The following SLC35F4 variants were observed in gnomAD, a reference collection of about 807,000 sequenced individuals.
SLC35F4 encodes solute carrier family 35 member F4.
In SLC35F4, 24 loss-of-function variants were observed where a neutral mutation model predicts 44.2. The ratio of observed to expected loss-of-function variants is 0.54; its 90% CI spans 0.39 to 0.76. The LOEUF (loss-of-function observed/expected upper bound fraction) is 0.76, where lower values mean the gene tolerates loss of function less well. Among genes scored for constraint, SLC35F4 ranks in the 30% least tolerant of loss-of-function variants. The pLI, the probability that SLC35F4 is intolerant of heterozygous loss-of-function variation, is 0.00. For synonymous variants in SLC35F4, 238 were observed against 223.6 expected (o/e 1.06, Z -0.57); for missense variants, 562 against 586.1 (o/e 0.96, Z 0.42).
chr14:57,965,470 C>G (rs900946103), intron 1 of SLC35F4, among the ~76,000 whole-genome samples: 3 of 152,096 alleles, frequency 2.0e-5, no homozygotes, highest in African/African-American at 7.2e-5. Context: ...TCTTAATTCC[C>G]CTTTACATGT....
At chr14:57,591,739 G>A (rs1045778420) in intron 2 of SLC35F4, among the ~76,000 whole-genome samples, 3 of 152,150 alleles carry the variant, frequency 2.0e-5, no homozygotes, top group African/African-American at 7.2e-5. Context: ...CTGTTTCCTG[G>A]CAGGAATGGC....
chr14:57,775,903 C>A (rs1177881136), intron 1 of SLC35F4, among the ~76,000 whole-genome samples: 2 of 152,054 alleles, frequency 1.3e-5, no homozygotes, highest in Non-Finnish European at 2.9e-5. Context: ...CTAAGAATCA[C>A]AATAAAATGA....
intron 1 of SLC35F4, among the ~76,000 whole-genome samples, chr14:57,805,230 G>A (rs749569345): frequency 5.3e-5 from 8 of 152,120 alleles, no homozygotes; most frequent in African/African-American, 1.4e-4. Context: ...CAAAGACCTA[G>A]AACCAGAAAT....
rs1888137961 is a variant in SLC35F4, at chr14:57,866,000, C to T, written c.-175G>A. 1.1e-5 allele frequency: 4 copies of T among 353,686 alleles called. No individual in the cohort carries two copies. In the South Asian group the frequency reaches 2.3e-4, roughly 21 times the overall value. 21.9% of individuals were successfully genotyped at this position (353,686 alleles called of 1,614,324 possible). On this transcript the variant is annotated 5_prime_UTR_variant, in exon 1 of 8. Transcript: ENST00000556826. ...CGGCTCCGCATCACAGCGGCGGCGGCGGCGGCGGCGGCGGAGCGGCCCCCA... is the reference window on the plus strand; with the variant it reads ...CGGCTCCGCATCACAGCGGCGGCGGTGGCGGCGGCGGCGGAGCGGCCCCCA...
intron 1 of SLC35F4, among the ~76,000 whole-genome samples, chr14:57,936,830 G>A (rs141727202): frequency 6.6e-6 from 1 of 152,228 alleles, no homozygotes; most frequent in Non-Finnish European, 1.5e-5. Context: ...GGGCCATGGA[G>A]GAGCATTCCA....
chr14:57,901,579 C>T (rs1889001662), intron 1 of SLC35F4, among the ~76,000 whole-genome samples: 1 of 152,028 alleles, frequency 6.6e-6, no homozygotes, highest in Non-Finnish European at 1.5e-5. Context: ...GGATGCTGGG[C>T]TTAATACCTG....
At chr14:57,822,242 C>T (rs1883249465) in intron 1 of SLC35F4, among the ~76,000 whole-genome samples, 1 of 152,208 alleles carries the variant, frequency 6.6e-6, no homozygotes, top group Non-Finnish European at 1.5e-5. Flanking sequence ...TTTCTGTGTC[C>T]TTTGCTTTAT....
chr14:57,717,506 G>A (rs572162152), intron 1 of SLC35F4, among the ~76,000 whole-genome samples: 4 of 152,088 alleles, frequency 2.6e-5, no homozygotes, highest in African/African-American at 9.7e-5. Context: ...CGTGGTGTCG[G>A]GCGCCTGTAG....
intron 1 of SLC35F4, among the ~76,000 whole-genome samples, chr14:57,671,008 G>T (rs149970169): frequency 0.024 from 3,657 of 150,110 alleles, 155 homozygotes; most frequent in African/African-American, 0.084. Context: ...GGGTTCAAGC[G>T]GTTATCCTGC....
chr14:57,794,545 T>C (rs892139925), intron 1 of SLC35F4, among the ~76,000 whole-genome samples: 1 of 152,062 alleles, frequency 6.6e-6, no homozygotes, highest in African/African-American at 2.4e-5. Flanking sequence ...CAAAAATTAA[T>C]AGATAATAGC....
At chr14:57,566,446 G>A (rs2139662879) in intron 7 of SLC35F4, 29 bp downstream of exon 7, 2 of 1,562,194 alleles carry the variant, frequency 1.3e-6, no homozygotes, top group Non-Finnish European at 1.7e-6. Flanking sequence ...TAGTGGCCAG[G>A]ATCTGCACAT....
At chr14:57,769,205 C>T (rs999558526) in intron 1 of SLC35F4, among the ~76,000 whole-genome samples, 1 of 152,104 alleles carries the variant, frequency 6.6e-6, no homozygotes, top group Non-Finnish European at 1.5e-5. Context: ...TGCATCACTA[C>T]CCTGTTAATA....
intron 1 of SLC35F4, among the ~76,000 whole-genome samples, chr14:57,830,536 T>G (rs1408556605): frequency 6.6e-6 from 1 of 152,120 alleles, no homozygotes; most frequent in East Asian, 1.9e-4. Flanking sequence ...AAACCTGAAG[T>G]CTAGCATGAG....
intron 1 of SLC35F4, among the ~76,000 whole-genome samples, chr14:57,765,546 A>G (rs895296470): frequency 1.3e-5 from 2 of 152,258 alleles, no homozygotes; most frequent in Non-Finnish European, 2.9e-5. Flanking sequence ...ATATTAATAG[A>G]CGTTTGATTA....
chr14:57,636,259 G>A (rs11850063), intron 1 of SLC35F4, among the ~76,000 whole-genome samples: 3,783 of 152,268 alleles, frequency 0.025, 153 homozygotes, highest in African/African-American at 0.086. Context: ...ACTGTTTTCA[G>A]TACGTTGGAT....
intron 1 of SLC35F4, among the ~76,000 whole-genome samples, chr14:57,802,985 CAAAAAAAA>C (rs59647111): frequency 2.8e-5 from 2 of 71,318 alleles, no homozygotes; most frequent in Non-Finnish European, 2.6e-5. Flanking sequence ...GCAGAGATAC[CAAAAAAAA>C]AAAAAAAAAA....
At chr14:57,835,136 T>G (rs1884784787) in intron 1 of SLC35F4, among the ~76,000 whole-genome samples, 1 of 152,178 alleles carries the variant, frequency 6.6e-6, no homozygotes, top group African/African-American at 2.4e-5. Flanking sequence ...ATAGAACCAG[T>G]GTTATTCACT....
intron 1 of SLC35F4, among the ~76,000 whole-genome samples, chr14:57,674,980 T>C (rs2074642539): frequency 6.6e-6 from 1 of 152,094 alleles, no homozygotes; most frequent in African/African-American, 2.4e-5. Flanking sequence ...ACAAAGGCTG[T>C]AAGTGTCTGT....
intron 1 of SLC35F4, among the ~76,000 whole-genome samples, chr14:57,637,908 G>A (rs554545179): frequency 3.9e-5 from 6 of 152,080 alleles, no homozygotes; most frequent in South Asian, 4.2e-4. Flanking sequence ...TTTAGACCCC[G>A]TCCCTTTTGC....
Sources: gnomAD v4.1 joint callset for allele counts (sites outside exome capture counted in the v4.1 genomes callset) on GRCh38, gnomAD v4.1.1 for gene constraint, MANE v1.5 for transcripts, NCBI Gene and HGNC (gene_info 2026-07-23, HGNC 2026-07-21) for gene names.